The following CCPG1 variants were observed in gnomAD, a reference collection of about 807,000 sequenced individuals.
The protein encoded by CCPG1 is cell cycle progression 1, also known as cell cycle progression protein 1.
Under a neutral mutation model 81.3 loss-of-function variants are expected in CCPG1, and 46 were observed. The observed-to-expected ratio is 0.57, with a 90% CI of 0.45 to 0.72. CCPG1 has a LOEUF of 0.72. Among genes scored for constraint, CCPG1 ranks in the 30% least tolerant of loss-of-function variants. The pLI, the probability that CCPG1 is intolerant of heterozygous loss-of-function variation, is 0.00. For synonymous variants in CCPG1, 330 were observed against 305.2 expected, an observed-to-expected ratio of 1.08 and a Z score of -0.85; for missense variants, 902 against 937.6, an observed-to-expected ratio of 0.96 and a Z score of 0.50.
intron 2 of CCPG1, among the ~76,000 whole-genome samples, chr15:55,388,312 A>C (rs2056844676): frequency 6.6e-6 from 1 of 152,180 alleles, no homozygotes. Context: ...CAGTGAACAT[A>C]TATTACTGGT....
rs755957828 is a variant in CCPG1 at position 55,372,015 on chromosome 15, A to G, written c.484T>C (p.Ser162Pro). ...VFSSQPSDDE[S>P]SSDETSNQPS... ...TGATTACTGGTTTCATCACTACTTG[A>G]TTCATCGTCACTAGGCTGAGATGAA... The change falls in exon 6 of 9, where the codon TCA becomes CCA. Residue 162 changes from serine (S) to proline (P), a missense_variant. Coordinates refer to ENST00000442196, the MANE Select transcript of CCPG1 (RefSeq NM_001204450.2). 6.2e-7 allele frequency: 1 copy of G among 1,614,016 alleles called. No individual in the cohort carries two copies. The highest frequency in any genetic ancestry group is 2.2e-5 in the East Asian group (1 of 44,882).
chr15:55,406,991 G>A (rs1008827970), intron 1 of CCPG1, among the ~76,000 whole-genome samples: 2 of 150,736 alleles, frequency 1.3e-5, no homozygotes, highest in African/African-American at 4.9e-5. Flanking sequence ...GAAGTGGGCG[G>A]ATCACGAGGT....
In CCPG1 at chr15:55,365,400, G is replaced by C. The variant is rs945898761; in HGVS notation, c.707-91C>G. ...TTTAATATTGGTAATCTGCATATAA[G>C]CTATGTAGTCTTTTTTTTGTTTTTT... On this transcript the variant is annotated intron_variant, in intron 6 of 8. Transcript: ENST00000442196. The C allele has an allele frequency of 1.4e-5, 11 of 760,148 alleles. No individual in the cohort carries two copies. The African/African-American group carries it at 2.1e-4, about 14-fold the overall frequency. The allele number at this position is 760,148 out of a possible 1,614,324, so 47.1% of individuals were successfully genotyped here.
chr15:55,386,560 T>C (rs771574663), intron 2 of CCPG1, among the ~76,000 whole-genome samples: 11 of 152,116 alleles, frequency 7.2e-5, no homozygotes, highest in Non-Finnish European at 1.2e-4. Flanking sequence ...TGCATTCTCT[T>C]GCGTATACAT....
At chr15:55,405,927 T>C (rs1023940691) in intron 1 of CCPG1, among the ~76,000 whole-genome samples, 1 of 152,164 alleles carries the variant, frequency 6.6e-6, no homozygotes, top group African/African-American at 2.4e-5. Context: ...TACAGTGGCA[T>C]GATCTCGGCT....
chr15:55,372,803 T>C, intron 5 of CCPG1: 4 of 359,846 alleles, frequency 1.1e-5, no homozygotes, highest in South Asian at 9.2e-5. Context: ...TACACAAGCA[T>C]TTCCTGTGAC....
At chr15:55,379,972 C>T (rs139077315) in intron 3 of CCPG1, among the ~76,000 whole-genome samples, 8,045 of 151,094 alleles carry the variant, frequency 0.053, 309 homozygotes, top group South Asian at 0.1. Context: ...TGGTGGTGCG[C>T]GCCTGTAATC....
At position 55,360,773 on chromosome 15, in the gene CCPG1, G is replaced by C; in HGVS notation, c.1000C>G (p.Gln334Glu). ...LQEELNKLREQIRILEDKGTS... is the reference protein window; with the variant it reads ...LQEELNKLREEIRILEDKGTS... Reference sequence around the variant, plus strand: ...CCTTTATCTTCCAATATTCTAATCTGTTCTCTTAGTTTGTTTAACTCTTCC... The same window carrying C: ...CCTTTATCTTCCAATATTCTAATCTCTTCTCTTAGTTTGTTTAACTCTTCC... Residue 334 changes from glutamine to glutamate, a missense_variant, in exon 8 of 9, where the codon CAG (glutamine) becomes GAG (glutamate). By Grantham distance (29) the Gln-to-Glu change is conservative. Around this residue, in one of 3 missense-constraint regions of CCPG1, gnomAD observed 746 missense variants for 728.6 expected, o/e 1.02. Coordinates refer to ENST00000442196, the MANE Select transcript of CCPG1 (RefSeq NM_001204450.2). The C allele has an allele frequency of 6.2e-7, 1 of 1,612,148 alleles. No homozygotes were observed. Among genetic ancestry groups the C allele is most frequent in the Non-Finnish European group, 8.5e-7 (1 of 1,179,506 alleles).
chr15:55,357,502 T>C (rs751600466), intron 8 of CCPG1: 1 of 875,458 alleles, frequency 1.1e-6, no homozygotes, highest in Non-Finnish European at 1.4e-6. Flanking sequence ...AGGTTTCCGT[T>C]ACCTGTGGTC....
At chr15:55,380,495 C>T (rs931821831) in intron 3 of CCPG1, among the ~76,000 whole-genome samples, 1 of 151,520 alleles carries the variant, frequency 6.6e-6, no homozygotes, top group Admixed American at 6.6e-5. Flanking sequence ...CGGGGTTTCA[C>T]CGTGTTAGCC....
chr15:55,398,763 G>A (rs2141340689), intron 1 of CCPG1, among the ~76,000 whole-genome samples: 1 of 152,096 alleles, frequency 6.6e-6, no homozygotes, highest in East Asian at 1.9e-4. Context: ...TGTATTTTTA[G>A]TAGAGATGCG....
chr15:55,378,290 A>C lies in CCPG1; in HGVS notation c.252+10T>G, dbSNP rs942361407. Reference sequence around the variant, plus strand: ...TTAACATATATCCACAGTGTAAAATACAAGTTTACCTCAATTGTTGAGCTG... The same window carrying C: ...TTAACATATATCCACAGTGTAAAATCCAAGTTTACCTCAATTGTTGAGCTG... On this transcript the variant is annotated intron_variant, in intron 4 of 8. Transcript: ENST00000442196. The C allele has an allele frequency of 6.4e-7, 1 of 1,555,810 alleles. No homozygotes were observed.
intron 1 of CCPG1, among the ~76,000 whole-genome samples, chr15:55,405,899 C>T (rs565297072): frequency 6.6e-6 from 1 of 152,324 alleles, no homozygotes; most frequent in South Asian, 2.1e-4. Context: ...CAGTCTCACT[C>T]TGTCACCCAG....
At chr15:55,371,702 T>C in intron 6 of CCPG1, 91 bp downstream of exon 6, 1 of 1,295,188 alleles carries the variant, frequency 7.7e-7, no homozygotes, top group Non-Finnish European at 1.1e-6. Context: ...CATTTAATAA[T>C]GGCACTGAAA....
chr15:55,381,232 G>C (rs111771707), intron 3 of CCPG1, among the ~76,000 whole-genome samples: 2 of 151,366 alleles, frequency 1.3e-5, no homozygotes, highest in Non-Finnish European at 2.9e-5. Context: ...TCAGGAGTTC[G>C]AGACCAGAGT....
At chr15:55,383,180 T>A (rs1207717203) in intron 3 of CCPG1, among the ~76,000 whole-genome samples, 1 of 152,224 alleles carries the variant, frequency 6.6e-6, no homozygotes, top group Non-Finnish European at 1.5e-5. Context: ...GTAACATGAA[T>A]CTCCTTGTAC....
intron 7 of CCPG1, among the ~76,000 whole-genome samples, chr15:55,363,051 A>G (rs900735345): frequency 6.6e-6 from 1 of 151,602 alleles, no homozygotes; most frequent in Non-Finnish European, 1.5e-5. Flanking sequence ...TTAAAAAACA[A>G]AAACAAAAAA....
chr15:55,387,843 C>T (rs1269141911), intron 2 of CCPG1, among the ~76,000 whole-genome samples: 1 of 143,984 alleles, frequency 6.9e-6, no homozygotes, highest in Non-Finnish European at 1.5e-5. Flanking sequence ...CCACGCCCGG[C>T]CTATAATTTT....
chr15:55,405,868 G>T (rs1266555114), intron 1 of CCPG1, among the ~76,000 whole-genome samples: 1 of 152,144 alleles, frequency 6.6e-6, no homozygotes, highest in East Asian at 1.9e-4. Flanking sequence ...TACTGTTGTT[G>T]CTTATTTGGT....
Sources: gnomAD v4.1 joint callset for allele counts (sites outside exome capture counted in the v4.1 genomes callset) on GRCh38, gnomAD v4.1.1 for gene constraint, gnomAD v4.1.1 regional missense constraint, MANE v1.5 for transcripts, NCBI Gene and HGNC (gene_info 2026-07-23, HGNC 2026-07-21) for gene names.